Variants in PFDN1 observed in about 807,000 individuals in gnomAD.
PFDN1 encodes the protein prefoldin subunit 1.
In PFDN1, 6 loss-of-function variants were observed where a neutral mutation model predicts 17.3. The ratio of observed to expected loss-of-function variants is 0.35; its 90% CI spans 0.19 to 0.69. PFDN1 has a LOEUF of 0.69. Ranked by LOEUF, PFDN1 falls within the 30% of genes least tolerant of loss-of-function variation. The probability of loss-of-function intolerance (pLI) is 0.65; values close to 1 mark genes in which losing one functional copy is unlikely to be tolerated. For missense variants in PFDN1, 113 were observed against 146.2 expected, an observed-to-expected ratio of 0.77 and a Z score of 1.17; for synonymous variants, 58 against 50.1, an observed-to-expected ratio of 1.16 and a Z score of -0.67.
At chr5:140,297,291 G>A (rs996467331) in intron 2 of PFDN1, among the ~76,000 whole-genome samples, 1 of 152,170 alleles carries the variant, frequency 6.6e-6, no homozygotes, top group Non-Finnish European at 1.5e-5. Context: ...AACAAAGTAA[G>A]GTAAAGACTA....
At chr5:140,250,409 C>T (rs1368926307) in intron 3 of PFDN1, among the ~76,000 whole-genome samples, 2 of 152,228 alleles carry the variant, frequency 1.3e-5, no homozygotes, top group Non-Finnish European at 1.5e-5. Context: ...CATCCCCTCA[C>T]TTCCTTCAGG....
intron 2 of PFDN1, 84 bp downstream of exon 2, chr5:140,300,332 C>T (rs1765723971): frequency 2.7e-6 from 3 of 1,105,532 alleles, no homozygotes; most frequent in South Asian, 1.5e-5. Context: ...CCTGGCCTAA[C>T]CCAAGTTTTA....
chr5:140,276,842 A>G (rs1440243909), intron 3 of PFDN1, among the ~76,000 whole-genome samples: 3 of 151,780 alleles, frequency 2.0e-5, no homozygotes, highest in Middle Eastern at 3.4e-3. Flanking sequence ...AGCATACAGT[A>G]TAACAGAAGG....
At chr5:140,287,278 C>A (rs1765511481) in intron 2 of PFDN1, among the ~76,000 whole-genome samples, 1 of 152,194 alleles carries the variant, frequency 6.6e-6, no homozygotes, top group African/African-American at 2.4e-5. Context: ...CTAAAATGAA[C>A]CCTGTGGTAT....
intron 2 of PFDN1, among the ~76,000 whole-genome samples, chr5:140,284,928 T>A (rs897204949): frequency 1.3e-5 from 2 of 152,232 alleles, no homozygotes; most frequent in African/African-American, 4.8e-5. Flanking sequence ...GTTTTGATTA[T>A]TTGAGAAACA....
At chr5:140,270,513 A>T (rs908774409) in intron 3 of PFDN1, among the ~76,000 whole-genome samples, 20 of 152,202 alleles carry the variant, frequency 1.3e-4, no homozygotes, top group African/African-American at 4.8e-4. Flanking sequence ...CTCTTATCTT[A>T]ATCATAAAAT....
intron 2 of PFDN1, among the ~76,000 whole-genome samples, chr5:140,294,090 TTCTC>T (rs1765618517): frequency 6.6e-6 from 1 of 152,076 alleles, no homozygotes; most frequent in African/African-American, 2.4e-5. Flanking sequence ...TTGCTTCACT[TTCTC>T]TAAAATACAG....
At chr5:140,266,121 C>A (rs1765130706) in intron 3 of PFDN1, among the ~76,000 whole-genome samples, 1 of 152,194 alleles carries the variant, frequency 6.6e-6, no homozygotes, top group Non-Finnish European at 1.5e-5. Flanking sequence ...GAATGAGTGA[C>A]ATATGGGGAA....
At chr5:140,276,780 CAAAAAAAAAAAAAA>C (rs35889345) in intron 3 of PFDN1, among the ~76,000 whole-genome samples, 3 of 46,738 alleles carry the variant, frequency 6.4e-5, no homozygotes, top group South Asian at 1.0e-3. Flanking sequence ...GACACCGTCT[CAAAAAAAAAAAAAA>C]AAAAAAAAAA....
At chr5:140,261,481 CT>C (rs1765065041) in intron 3 of PFDN1, among the ~76,000 whole-genome samples, 1 of 152,044 alleles carries the variant, frequency 6.6e-6, no homozygotes, top group African/African-American at 2.4e-5. Context: ...ATGTACACAA[CT>C]AAAAAAATAG....
chr5:140,267,527 C>T (rs1765149768), intron 3 of PFDN1, among the ~76,000 whole-genome samples: 1 of 152,210 alleles, frequency 6.6e-6, no homozygotes, highest in African/African-American at 2.4e-5. Flanking sequence ...AAACAATGCT[C>T]TCATGAGCAC....
chr5:140,279,623 A>G (rs906363923), intron 3 of PFDN1, among the ~76,000 whole-genome samples: 1 of 151,728 alleles, frequency 6.6e-6, no homozygotes, highest in Non-Finnish European at 1.5e-5. Context: ...CACTGTGCCC[A>G]CTCTGCTAAT....
chr5:140,290,395 G>C (rs962301762), intron 2 of PFDN1, among the ~76,000 whole-genome samples: 1 of 152,158 alleles, frequency 6.6e-6, no homozygotes, highest in Non-Finnish European at 1.5e-5. Flanking sequence ...TGGAATTCCT[G>C]TAGCCAAGCT....
chr5:140,267,898 C>T (rs534536777), intron 3 of PFDN1, among the ~76,000 whole-genome samples: 14 of 152,296 alleles, frequency 9.2e-5, no homozygotes, highest in African/African-American at 2.9e-4. Context: ...GATAACGTTT[C>T]CTGACCTGGA....
At chr5:140,259,650 A>G (rs1765035868) in intron 3 of PFDN1, among the ~76,000 whole-genome samples, 1 of 152,196 alleles carries the variant, frequency 6.6e-6, no homozygotes, top group Non-Finnish European at 1.5e-5. Flanking sequence ...GCCTGTAGGC[A>G]TGGTAAAGGG....
intron 3 of PFDN1, among the ~76,000 whole-genome samples, 154 bp from the exon 4 acceptor site, chr5:140,246,211 C>CT (rs1764827400): frequency 6.6e-6 from 1 of 152,202 alleles, no homozygotes. Flanking sequence ...GCCCACAGTG[C>CT]TCCCCTCACC....
chr5:140,258,440 TAA>T (rs562501324), intron 3 of PFDN1, among the ~76,000 whole-genome samples: 3,334 of 120,818 alleles, frequency 0.028, 94 homozygotes, highest in African/African-American at 0.076. Flanking sequence ...GCTGTACTGT[TAA>T]AAAAAAAAAA....
At chr5:140,264,683 A>AC (rs1372826577) in intron 3 of PFDN1, among the ~76,000 whole-genome samples, 2 of 151,890 alleles carry the variant, frequency 1.3e-5, no homozygotes, top group Admixed American at 6.6e-5. Flanking sequence ...CAAAAAAAAA[A>AC]ACACAGAATT....
intron 3 of PFDN1, among the ~76,000 whole-genome samples, chr5:140,273,432 G>GA (rs1015659676): frequency 1.8e-4 from 27 of 152,142 alleles, no homozygotes; most frequent in South Asian, 1.0e-3. Flanking sequence ...CCATGCGATG[G>GA]AAAAAATGAT....
Sources: gnomAD v4.1 joint callset for allele counts (sites outside exome capture counted in the v4.1 genomes callset) on GRCh38, gnomAD v4.1.1 for gene constraint, MANE v1.5 for transcripts, NCBI Gene and HGNC (gene_info 2026-07-23, HGNC 2026-07-21) for gene names.